ASPH: variants seen among roughly 807,000 people sequenced by gnomAD.
The protein encoded by ASPH is aspartate beta-hydroxylase, also known as aspartyl/asparaginyl beta-hydroxylase.
ASPH carries 100 observed loss-of-function variants against 118.4 expected under a neutral mutation model. The ratio of observed to expected loss-of-function variants is 0.84; its 90% CI spans 0.72 to 1.00. The LOEUF (loss-of-function observed/expected upper bound fraction) is 1.00, where lower values mean the gene tolerates loss of function less well. ASPH is among the 50% of genes least tolerant of loss of function. The pLI is 0.00. For missense variants in ASPH, 920 were observed against 919.5 expected, an observed-to-expected ratio of 1.00 and a Z score of -0.01; for synonymous variants, 315 against 325.6, an observed-to-expected ratio of 0.97 and a Z score of 0.35.
chr8:61,503,693 G>C (rs999994311), intron 24 of ASPH, among the ~76,000 whole-genome samples, 184 bp from the exon 25 acceptor site: 3 of 152,208 alleles, frequency 2.0e-5, no homozygotes, highest in Non-Finnish European at 1.5e-5. Context: ...CAGAAATCTT[G>C]CTATGAACAT....
intron 1 of ASPH, among the ~76,000 whole-genome samples, chr8:61,688,648 C>T (rs139577407): frequency 1.3e-5 from 2 of 152,230 alleles, no homozygotes; most frequent in East Asian, 3.9e-4. Context: ...TTTTGAAAAA[C>T]ACAAAAACTG....
intron 16 of ASPH, among the ~76,000 whole-genome samples, chr8:61,567,806 T>A (rs909548195): frequency 2.6e-5 from 4 of 152,158 alleles, no homozygotes; most frequent in Non-Finnish European, 4.4e-5. Flanking sequence ...AATAAACAAA[T>A]AAAGGTACTA....
chr8:61,584,199 A>C (rs1341635921), intron 14 of ASPH, among the ~76,000 whole-genome samples, 170 bp from the exon 15 acceptor site: 1 of 152,082 alleles, frequency 6.6e-6, no homozygotes, highest in Non-Finnish European at 1.5e-5. Context: ...GGTGTGATGA[A>C]GTCAGTGACT....
intron 22 of ASPH, among the ~76,000 whole-genome samples, chr8:61,523,117 CT>C (rs1315707899): frequency 6.6e-6 from 1 of 152,048 alleles, no homozygotes; most frequent in Non-Finnish European, 1.5e-5. Context: ...TATTCATCAC[CT>C]TTTTCTCTGA....
chr8:61,544,379 C>A (rs773989160), intron 21 of ASPH, among the ~76,000 whole-genome samples: 3 of 152,212 alleles, frequency 2.0e-5, no homozygotes, highest in Non-Finnish European at 2.9e-5. Context: ...TGATGTTCTG[C>A]CTCATTACAC....
At chr8:61,708,061 T>C (rs1173358581) in intron 1 of ASPH, among the ~76,000 whole-genome samples, 8 of 152,186 alleles carry the variant, frequency 5.3e-5, no homozygotes, top group Non-Finnish European at 8.8e-5. Flanking sequence ...TAACAATGGT[T>C]AGGAAGGAAT....
At chr8:61,574,811 T>G (rs1458771504) in intron 16 of ASPH, among the ~76,000 whole-genome samples, 1 of 152,020 alleles carries the variant, frequency 6.6e-6, no homozygotes. Context: ...AACCTCCATG[T>G]TCTGCACATG....
At chr8:61,686,579 G>A (rs779154371) in intron 1 of ASPH, among the ~76,000 whole-genome samples, 8 of 152,032 alleles carry the variant, frequency 5.3e-5, no homozygotes, top group Non-Finnish European at 1.0e-4. Flanking sequence ...AAAAAAGAAC[G>A]CTTATTTCTA....
chr8:61,523,189 C>A (rs919139280), intron 22 of ASPH, among the ~76,000 whole-genome samples: 1 of 152,112 alleles, frequency 6.6e-6, no homozygotes, highest in Admixed American at 6.6e-5. Context: ...ATGACGTCCG[C>A]CCCTGTCCCT....
chr8:61,519,860 T>C (rs1812320671), intron 22 of ASPH, among the ~76,000 whole-genome samples: 1 of 152,244 alleles, frequency 6.6e-6, no homozygotes, highest in East Asian at 1.9e-4. Flanking sequence ...TGATCTATTG[T>C]AGACTTCTGA....
intron 21 of ASPH, among the ~76,000 whole-genome samples, chr8:61,534,186 A>T (rs1818638149): frequency 6.6e-6 from 1 of 152,210 alleles, no homozygotes; most frequent in South Asian, 2.1e-4. Flanking sequence ...ACCTCAGGTG[A>T]TCCGCCCGCC....
intron 15 of ASPH, among the ~76,000 whole-genome samples, chr8:61,577,817 T>C (rs1370228232): frequency 2.0e-5 from 3 of 152,070 alleles, no homozygotes; most frequent in Non-Finnish European, 4.4e-5. Context: ...CCACCAGGTG[T>C]CTCTCTAGGC....
intron 15 of ASPH, chr8:61,578,145 C>A (rs1036790830): frequency 1.8e-5 from 26 of 1,458,654 alleles, no homozygotes; most frequent in African/African-American, 5.7e-5. Flanking sequence ...AGAAATTGGA[C>A]CAAGAAGCAG....
chr8:61,509,283 A>G (rs1807882562), intron 24 of ASPH, among the ~76,000 whole-genome samples: 1 of 152,212 alleles, frequency 6.6e-6, no homozygotes, highest in African/African-American at 2.4e-5. Flanking sequence ...GTAAAGGAAT[A>G]AAAGAATGGA....
intron 3 of ASPH, chr8:61,665,544 T>C (rs1402971507): frequency 6.3e-7 from 1 of 1,586,070 alleles, no homozygotes; most frequent in East Asian, 2.3e-5. Context: ...TCATTCTTAC[T>C]TTCCTTCCTT....
chr8:61,669,608 T>C (rs1821392668), intron 3 of ASPH, among the ~76,000 whole-genome samples: 1 of 152,164 alleles, frequency 6.6e-6, no homozygotes, highest in Non-Finnish European at 1.5e-5. Flanking sequence ...GAATAAAATA[T>C]CAAAACTATT....
chr8:61,569,364 T>A (rs1342533972), intron 16 of ASPH, among the ~76,000 whole-genome samples: 3 of 151,974 alleles, frequency 2.0e-5, no homozygotes, highest in Admixed American at 6.6e-5. Context: ...TAGCATATAT[T>A]TTTTTTTCTC....
intron 15 of ASPH, chr8:61,578,193 C>T (rs2132229990): frequency 6.4e-7 from 1 of 1,552,904 alleles, no homozygotes; most frequent in East Asian, 2.3e-5. Context: ...CTGGTTCGGC[C>T]CGCCTGCCTC....
At chr8:61,576,342 C>T (rs898572396) in intron 16 of ASPH, among the ~76,000 whole-genome samples, 1 of 152,102 alleles carries the variant, frequency 6.6e-6, no homozygotes, top group African/African-American at 2.4e-5. Flanking sequence ...AGAAATGAGT[C>T]CGTTGGAAAA....
Sources: gnomAD v4.1 joint callset for allele counts (sites outside exome capture counted in the v4.1 genomes callset) on GRCh38, gnomAD v4.1.1 for gene constraint, MANE v1.5 for transcripts, NCBI Gene and HGNC (gene_info 2026-07-23, HGNC 2026-07-21) for gene names.